The following MORC1 variants were observed in gnomAD, a reference collection of about 807,000 sequenced individuals.
MORC1 encodes the protein MORC family CW-type zinc finger protein 1.
A neutral mutation model predicts 134.9 loss-of-function variants in MORC1; 59 were observed. The ratio of observed to expected loss-of-function variants is 0.44; its 90% confidence interval spans 0.35 to 0.54. The LOEUF (loss-of-function observed/expected upper bound fraction) is 0.54. Ranked by LOEUF, MORC1 falls within the 20% of genes least tolerant of loss-of-function variation. The pLI, the probability that MORC1 is intolerant of heterozygous loss-of-function variation, is 0.00. For synonymous variants in MORC1, 395 were observed against 391.7 expected (o/e 1.01, Z -0.10); for missense variants, 947 against 1,134.5 (o/e 0.83, Z 2.37).
chr3:109,075,443 T>C (rs923008917), intron 8 of MORC1, among the ~76,000 whole-genome samples: 5 of 152,270 alleles, frequency 3.3e-5, no homozygotes, highest in East Asian at 1.9e-4. Flanking sequence ...TTAGGTCTTA[T>C]GTTTAAGTCT....
At chr3:109,002,116 G>C (rs1948419040) in intron 20 of MORC1, among the ~76,000 whole-genome samples, 1 of 152,176 alleles carries the variant, frequency 6.6e-6, no homozygotes, top group Non-Finnish European at 1.5e-5. Flanking sequence ...GCATGGTCAA[G>C]TCTCCTAACT....
rs745316346 is a variant in MORC1, at chr3:109,095,071, A to AT, written c.424-4dup. 2.6e-6 allele frequency: 4 copies of AT among 1,566,730 alleles called. No individual in the cohort carries two copies. Among genetic ancestry groups the AT allele is most frequent in the Non-Finnish European group, 3.4e-6 (4 of 1,165,700 alleles). On this transcript the variant is annotated splice_region_variant and splice_polypyrimidine_tract_variant and intron_variant, in intron 6 of 27. Coordinates refer to ENST00000232603, the MANE Select transcript of MORC1 (RefSeq NM_014429.4). ...CATGAGGGCATTGGAACTACAACCT[A>AT]TTTAAAAAAAAACACATCAATTTAC...
intron 13 of MORC1, 143 bp from the exon 14 acceptor site, chr3:109,055,025 G>T (rs1949924273): frequency 2.7e-6 from 2 of 736,574 alleles, no homozygotes; most frequent in Non-Finnish European, 2.2e-6. Flanking sequence ...TAACAAGTTA[G>T]CTAATTATGT....
intron 11 of MORC1, among the ~76,000 whole-genome samples, chr3:109,061,711 A>C (rs1482873674): frequency 6.6e-6 from 1 of 152,084 alleles, no homozygotes; most frequent in Non-Finnish European, 1.5e-5. Context: ...TTTCCATTTT[A>C]AAGAAATGGG....
At chr3:109,045,073 A>G (rs1641613274) in intron 14 of MORC1, among the ~76,000 whole-genome samples, 1 of 152,148 alleles carries the variant, frequency 6.6e-6, no homozygotes, top group Admixed American at 6.5e-5. Flanking sequence ...ATTCAATAGT[A>G]AACTACCACA....
At chr3:109,001,714 T>A (rs1948408626) in intron 20 of MORC1, among the ~76,000 whole-genome samples, 1 of 152,210 alleles carries the variant, frequency 6.6e-6, no homozygotes, top group African/African-American at 2.4e-5. Context: ...TCCTCAAGCT[T>A]CTGTCTAGTC....
chr3:108,981,129 C>T (rs1009055167), intron 23 of MORC1, among the ~76,000 whole-genome samples: 3 of 151,990 alleles, frequency 2.0e-5, no homozygotes, highest in Non-Finnish European at 4.4e-5. Flanking sequence ...GGGGGCAGTA[C>T]GACATGGGAA....
intron 25 of MORC1, 94 bp from the exon 26 acceptor site, chr3:108,969,816 A>T: frequency 7.9e-7 from 1 of 1,266,656 alleles, no homozygotes. Context: ...GAGTATAAAA[A>T]GCATCAAAGC....
At chr3:109,090,537 T>C (rs2107755604) in intron 8 of MORC1, among the ~76,000 whole-genome samples, 1 of 150,068 alleles carries the variant, frequency 6.7e-6, no homozygotes, top group Non-Finnish European at 1.5e-5. Flanking sequence ...GGAGAATCAT[T>C]TGAACCCAGG....
intron 24 of MORC1, among the ~76,000 whole-genome samples, chr3:108,975,322 T>C (rs1279772627): frequency 6.6e-6 from 1 of 152,208 alleles, no homozygotes; most frequent in Non-Finnish European, 1.5e-5. Context: ...TGCTAGTATA[T>C]GTATTTTCAT....
At chr3:109,097,734 C>T (rs1305781433) in intron 6 of MORC1, among the ~76,000 whole-genome samples, 1 of 152,038 alleles carries the variant, frequency 6.6e-6, no homozygotes, top group African/African-American at 2.4e-5. Flanking sequence ...CAGTAATACA[C>T]ATAAAAAACT....
intron 21 of MORC1, among the ~76,000 whole-genome samples, chr3:108,996,903 G>T (rs752573107): frequency 6.6e-6 from 1 of 151,052 alleles, no homozygotes; most frequent in East Asian, 1.9e-4. Context: ...CCAGTTACTC[G>T]TGAGGCTGAG....
intron 24 of MORC1, among the ~76,000 whole-genome samples, chr3:108,972,717 T>C (rs1576581760): frequency 6.6e-6 from 1 of 152,242 alleles, no homozygotes; most frequent in African/African-American, 2.4e-5. Flanking sequence ...GCAGGAGGGG[T>C]GAGAGACCTT....
chr3:109,067,464 TG>T (rs1381812655), intron 9 of MORC1, among the ~76,000 whole-genome samples: 1 of 152,164 alleles, frequency 6.6e-6, no homozygotes, highest in Non-Finnish European at 1.5e-5. Flanking sequence ...TATACTCGAA[TG>T]GGAAGCAGCC....
chr3:109,063,220 T>G lies in MORC1; in HGVS notation c.827A>C (p.Tyr276Ser). The G allele has an allele frequency of 6.3e-7, 1 of 1,580,792 alleles. No individual in the cohort carries two copies. The highest frequency in any genetic ancestry group is 2.2e-5 in the East Asian group (1 of 44,598). The change falls in exon 10 of 28, where the codon TAT (tyrosine) becomes TCT (serine). Residue 276 changes from tyrosine to serine, a missense_variant. Tyr to Ser is a moderately radical substitution (Grantham distance 144, BLOSUM62 -2). This residue lies in a region of MORC1 where 722 missense variants were observed against 817.0 expected (regional missense o/e 0.88). Coordinates refer to ENST00000232603, the MANE Select transcript of MORC1 (RefSeq NM_014429.4). Reference protein sequence around the residue: ...YCLYRPRKYLYVTSSFKGAFK... With the variant: ...YCLYRPRKYLSVTSSFKGAFK... ...TGCTCCTTTAAAAGAAGATGTGACATAAAGATACTTTCTGGAAAGAAACAA... is the reference window on the plus strand; with the variant it reads ...TGCTCCTTTAAAAGAAGATGTGACAGAAAGATACTTTCTGGAAAGAAACAA...
At chr3:109,045,437 A>T (rs1949671864) in intron 14 of MORC1, among the ~76,000 whole-genome samples, 1 of 152,128 alleles carries the variant, frequency 6.6e-6, no homozygotes, top group Non-Finnish European at 1.5e-5. Flanking sequence ...GGGATGACAA[A>T]CTGGTTTCAA....
intron 16 of MORC1, among the ~76,000 whole-genome samples, chr3:109,029,454 AAT>A (rs1489454271): frequency 1.3e-5 from 2 of 152,350 alleles, no homozygotes; most frequent in South Asian, 4.1e-4. Flanking sequence ...TTTGGAAATG[AAT>A]TACACTTTAA....
At chr3:109,054,337 C>T (rs904420309) in intron 14 of MORC1, among the ~76,000 whole-genome samples, 47 of 151,890 alleles carry the variant, frequency 3.1e-4, no homozygotes, top group Non-Finnish European at 2.9e-4. Context: ...GTAGTTTTTA[C>T]TCCATGGTAT....
intron 14 of MORC1, among the ~76,000 whole-genome samples, chr3:109,039,797 AG>A (rs2107629021): frequency 6.6e-6 from 1 of 152,254 alleles, no homozygotes; most frequent in South Asian, 2.1e-4. Context: ...GAAGAGGTGA[AG>A]GCCATTTTTG....
Sources: gnomAD v4.1 joint callset for allele counts (sites outside exome capture counted in the v4.1 genomes callset) on GRCh38, gnomAD v4.1.1 for gene constraint, gnomAD v4.1.1 regional missense constraint, MANE v1.5 for transcripts, NCBI Gene and HGNC (gene_info 2026-07-23, HGNC 2026-07-21) for gene names.